RAPGEF2: variants seen among roughly 807,000 people sequenced by gnomAD.
The protein encoded by RAPGEF2 is PDZ domain containing guanine nucleotide exchange factor (GEF) 1.
A neutral mutation model predicts 186.7 loss-of-function variants in RAPGEF2; 54 were observed. The ratio of observed to expected loss-of-function variants is 0.29; its 90% confidence interval spans 0.23 to 0.36. The LOEUF (loss-of-function observed/expected upper bound fraction) is 0.36. Ranked by LOEUF, RAPGEF2 falls within the 10% of genes least tolerant of loss-of-function variation. The probability of loss-of-function intolerance (pLI) is 1.00; values close to 1 mark genes in which losing one functional copy is unlikely to be tolerated. For synonymous variants in RAPGEF2, 712 were observed against 705.9 expected (o/e 1.01, Z -0.14); for missense variants, 1,532 against 2,045.0 (o/e 0.75, Z 4.84).
chr4:159,208,395 C>G (rs1750182358), intron 3 of RAPGEF2, among the ~76,000 whole-genome samples: 1 of 152,160 alleles, frequency 6.6e-6, no homozygotes, highest in Non-Finnish European at 1.5e-5. Context: ...TATGCAGCGT[C>G]TATGATGTAC....
intron 1 of RAPGEF2, among the ~76,000 whole-genome samples, chr4:159,136,108 T>A (rs1415753063): frequency 3.3e-5 from 5 of 152,218 alleles, no homozygotes; most frequent in Non-Finnish European, 4.4e-5. Flanking sequence ...GTTTTCTTTT[T>A]CTCCAGGATC....
intron 9 of RAPGEF2, among the ~76,000 whole-genome samples, chr4:159,316,151 A>G (rs1471262956): frequency 6.6e-6 from 1 of 152,170 alleles, no homozygotes; most frequent in Non-Finnish European, 1.5e-5. Flanking sequence ...GGCGTAACAG[A>G]AGGCTCGCAC....
chr4:159,323,383 T>G, intron 10 of RAPGEF2, 76 bp from the exon 11 acceptor site: 1 of 1,231,310 alleles, frequency 8.1e-7, no homozygotes, highest in South Asian at 1.8e-5. Context: ...TAATTCATTT[T>G]TAGGGACCAT....
intron 7 of RAPGEF2, among the ~76,000 whole-genome samples, chr4:159,285,286 T>C (rs1760306163): frequency 1.3e-5 from 2 of 152,188 alleles, no homozygotes; most frequent in South Asian, 2.1e-4. Flanking sequence ...ATATCAAAGT[T>C]TATGTCTGAT....
chr4:159,153,056 C>G (rs998113651), intron 1 of RAPGEF2, among the ~76,000 whole-genome samples: 2 of 152,244 alleles, frequency 1.3e-5, no homozygotes, highest in Middle Eastern at 6.8e-3. Flanking sequence ...TGTTTATACA[C>G]TTTTTTATAT....
At chr4:159,317,893 G>A (rs751289338) in intron 9 of RAPGEF2, among the ~76,000 whole-genome samples, 5 of 151,780 alleles carry the variant, frequency 3.3e-5, no homozygotes, top group Non-Finnish European at 7.4e-5. Flanking sequence ...TTTTGAATCT[G>A]TTCATTTTAA....
At chr4:159,109,932 G>T (rs1738310437) in intron 1 of RAPGEF2, among the ~76,000 whole-genome samples, 1 of 152,042 alleles carries the variant, frequency 6.6e-6, no homozygotes, top group Non-Finnish European at 1.5e-5. Flanking sequence ...GTAGTGAGGA[G>T]ACCAAGAGTT....
chr4:159,307,046 T>C (rs1171366827), intron 8 of RAPGEF2, among the ~76,000 whole-genome samples: 1 of 152,202 alleles, frequency 6.6e-6, no homozygotes, highest in Non-Finnish European at 1.5e-5. Context: ...AATATCCTTA[T>C]TTGGCCTTCA....
intron 1 of RAPGEF2, among the ~76,000 whole-genome samples, chr4:159,161,232 C>A (rs1026786498): frequency 2.0e-5 from 3 of 152,112 alleles, no homozygotes; most frequent in African/African-American, 7.2e-5. Flanking sequence ...TAAAATTGAA[C>A]TTCGTAATAA....
rs748275087 is a variant in RAPGEF2 at position 159,248,738 on chromosome 4, G to A, written c.543+4947G>A. On this transcript the variant is annotated intron_variant, in intron 7 of 29. Coordinates refer to ENST00000691494, the MANE Select transcript of RAPGEF2 (RefSeq NM_001394067.2). ...GCACTATAGCATATGTACAGAAATT[G>A]AAATGTAAATCAAGAAATAGTTTAG... Among the ~76,000 whole-genome samples, 174 of 152,294 alleles carry A rather than the reference G, an allele frequency of 1.1e-3. 3 individuals are homozygous for A. The highest frequency in any genetic ancestry group is 2.3e-3 in the Non-Finnish European group (155 of 68,018).
chr4:159,329,715 G>T, intron 11 of RAPGEF2, 143 bp from the exon 12 acceptor site: 1 of 556,930 alleles, frequency 1.8e-6, no homozygotes, highest in Middle Eastern at 4.6e-4. Flanking sequence ...GTCTGATTAA[G>T]GTTCATTACA....
intron 1 of RAPGEF2, among the ~76,000 whole-genome samples, chr4:159,125,040 T>G (rs970324377): frequency 1.3e-5 from 2 of 152,152 alleles, no homozygotes; most frequent in Non-Finnish European, 2.9e-5. Context: ...TTTCTATTTT[T>G]TTTTTTTAGA....
At chr4:159,173,702 T>TAG (rs1487319917) in intron 1 of RAPGEF2, among the ~76,000 whole-genome samples, 1 of 152,190 alleles carries the variant, frequency 6.6e-6, no homozygotes, top group Non-Finnish European at 1.5e-5. Flanking sequence ...ATCATTTTAT[T>TAG]AGAGAGAGAG....
At chr4:159,111,700 G>C (rs948958321) in intron 1 of RAPGEF2, among the ~76,000 whole-genome samples, 1 of 152,176 alleles carries the variant, frequency 6.6e-6, no homozygotes, top group Admixed American at 6.5e-5. Flanking sequence ...CTAGAGTTAA[G>C]ACTCATTATC....
chr4:159,283,277 C>T (rs1759976917), intron 7 of RAPGEF2, among the ~76,000 whole-genome samples: 1 of 152,030 alleles, frequency 6.6e-6, no homozygotes, highest in South Asian at 2.1e-4. Context: ...TCATATAGAA[C>T]TTTAAAAGAT....
At chr4:159,168,673 T>A (rs377153514) in intron 1 of RAPGEF2, among the ~76,000 whole-genome samples, 12 of 152,210 alleles carry the variant, frequency 7.9e-5, no homozygotes, top group African/African-American at 2.9e-4. Context: ...GACACCTCTT[T>A]TCTAATGATA....
intron 7 of RAPGEF2, among the ~76,000 whole-genome samples, chr4:159,259,262 T>C (rs1203897649): frequency 6.6e-6 from 1 of 152,222 alleles, no homozygotes; most frequent in Non-Finnish European, 1.5e-5. Context: ...AAAGGAGATA[T>C]ATATCAAATA....
intron 1 of RAPGEF2, among the ~76,000 whole-genome samples, chr4:159,184,779 G>A (rs1747390580): frequency 1.3e-5 from 2 of 152,104 alleles, no homozygotes; most frequent in Non-Finnish European, 2.9e-5. Flanking sequence ...GGCTTTTGTT[G>A]CCATTGCTTT....
Position 159,176,843 on chromosome 4 carries a change from G to A in RAPGEF2, c.70-9799G>A, listed in dbSNP as rs1436575425. Among the ~76,000 whole-genome samples, 4 of 152,292 alleles carry A rather than the reference G, an allele frequency of 2.6e-5. 1 individual carries two copies. The East Asian group carries it at 5.8e-4, about 22-fold the overall frequency. The stretch of plus-strand genomic sequence containing the variant: ...AGGTCCAAATGTTAATGGAATGCAT[G>A]CAGAATTTTTTTTAACGACTTCATT... On this transcript the variant is annotated intron_variant, in intron 1 of 29. Coordinates refer to ENST00000691494, the MANE Select transcript of RAPGEF2 (RefSeq NM_001394067.2).
Sources: allele counts gnomAD v4.1 joint callset (sites outside exome capture counted in the v4.1 genomes callset), GRCh38; gene constraint gnomAD v4.1.1; transcripts MANE v1.5; gene names NCBI Gene and HGNC (gene_info 2026-07-23, HGNC 2026-07-21).